Variants in HACD2 observed in about 807,000 individuals in gnomAD.
The protein encoded by HACD2 is 3-hydroxyacyl-CoA dehydratase 2, also known as very-long-chain (3R)-3-hydroxyacyl-CoA dehydratase 2.
A neutral mutation model predicts 31.0 loss-of-function variants in HACD2; 15 were observed. That is an observed-to-expected ratio of 0.48 (90% confidence interval 0.32 to 0.75). The LOEUF (loss-of-function observed/expected upper bound fraction) is 0.75, where lower values mean the gene tolerates loss of function less well. Ranked by LOEUF, HACD2 falls within the 30% of genes least tolerant of loss-of-function variation. The probability of loss-of-function intolerance (pLI) is 0.03; values close to 1 mark genes in which losing one functional copy is unlikely to be tolerated. For missense variants in HACD2, 283 were observed against 313.0 expected (o/e 0.90, Z 0.72); for synonymous variants, 115 against 122.2 (o/e 0.94, Z 0.39).
At chr3:123,501,123 CAA>C (rs2055897206) in intron 5 of HACD2, among the ~76,000 whole-genome samples, 1 of 151,964 alleles carries the variant, frequency 6.6e-6, no homozygotes, top group South Asian at 2.1e-4. Context: ...ACACCACACA[CAA>C]AGACTGAACA....
At chr3:123,498,366 G>T (rs2055860391) in intron 6 of HACD2, among the ~76,000 whole-genome samples, 1 of 152,230 alleles carries the variant, frequency 6.6e-6, no homozygotes, top group Non-Finnish European at 1.5e-5. Context: ...TTAAGGTAAA[G>T]AAAGCAGACT....
At chr3:123,524,424 A>G (rs770584373) in intron 4 of HACD2, among the ~76,000 whole-genome samples, 1 of 152,184 alleles carries the variant, frequency 6.6e-6, no homozygotes, top group Admixed American at 6.5e-5. Flanking sequence ...TTCATCTCAG[A>G]GCACTTGAGC....
rs532929655 is a variant in HACD2, at chr3:123,570,589, G to C, written c.274-2809C>G. ...TACATTACTATTTCAAATCAGCTAG[G>C]TCTTATTTATTTATAAAGTGTCAAA... On this transcript the variant is annotated intron_variant, in intron 2 of 6. Transcript: ENST00000383657. 2.5e-3 allele frequency among the ~76,000 whole-genome samples: 380 copies of C among 152,244 alleles called. 1 individual carries two copies. The highest frequency in any genetic ancestry group is 6.8e-3 in the Middle Eastern group (2 of 294).
intron 3 of HACD2, among the ~76,000 whole-genome samples, chr3:123,557,079 AC>A (rs2056680264): frequency 6.6e-6 from 1 of 152,262 alleles, no homozygotes. Flanking sequence ...ACTTAAAAAG[AC>A]CCTAAAACAG....
At position 123,493,888 on chromosome 3, in the gene HACD2, A is replaced by T. The variant is rs2055798835; in HGVS notation, c.*1000T>A. ...TATCCAAACAGAAGAGTGAATGAAA[A>T]TTTAAAAATAAAACAATAATGGTGT... On this transcript the variant is annotated 3_prime_UTR_variant, in exon 7 of 7. Coordinates refer to ENST00000383657, the MANE Select transcript of HACD2 (RefSeq NM_198402.5). 6.6e-6 allele frequency: 1 copy of T among 152,222 alleles called. No homozygotes were observed. The highest frequency in any genetic ancestry group is 1.5e-5 in the Non-Finnish European group (1 of 68,044). 9.4% of individuals were successfully genotyped at this position (152,222 alleles called of 1,614,324 possible). A position where few individuals can be genotyped will look rare whatever the true frequency, so the allele number is the denominator to read the frequency against.
At position 123,492,155 on chromosome 3, in the gene HACD2, T is replaced by G. The variant is rs2055771515; in HGVS notation, c.*2733A>C. The G allele has an allele frequency of 6.6e-6, 1 of 152,170 alleles. No homozygotes were observed. The highest frequency in any genetic ancestry group is 2.4e-5 in the African/African-American group (1 of 41,432). The allele number at this position is 152,170 out of a possible 1,614,324, so 9.4% of individuals were successfully genotyped here. On this transcript the variant is annotated 3_prime_UTR_variant, in exon 7 of 7. Coordinates refer to ENST00000383657, the MANE Select transcript of HACD2 (RefSeq NM_198402.5). ...ATGTGTTAAATGAATAAGCCCAACC[T>G]CAGCAAACAGAACGCAGCAAGATGT...
At chr3:123,566,451 G>T (rs572725955) in intron 3 of HACD2, among the ~76,000 whole-genome samples, 2 of 151,686 alleles carry the variant, frequency 1.3e-5, no homozygotes, top group African/African-American at 4.8e-5. Context: ...CACCTGGCTC[G>T]TTTTTTATTT....
intron 6 of HACD2, among the ~76,000 whole-genome samples, chr3:123,497,336 CGTGT>C (rs778512290): frequency 2.0e-5 from 3 of 152,158 alleles, no homozygotes; most frequent in Non-Finnish European, 4.4e-5. Flanking sequence ...CTGCTGGGCA[CGTGT>C]GTGTGACAGT....
intron 3 of HACD2, among the ~76,000 whole-genome samples, chr3:123,544,365 T>C (rs1255513189): frequency 6.6e-6 from 1 of 152,140 alleles, no homozygotes. Context: ...GGCAAATGAA[T>C]GTTCAGGTAC....
chr3:123,507,439 A>G (rs2055991067), intron 4 of HACD2, among the ~76,000 whole-genome samples: 1 of 152,242 alleles, frequency 6.6e-6, no homozygotes, highest in Admixed American at 6.5e-5. Context: ...CATAAAGGTA[A>G]GAAATATTGA....
intron 3 of HACD2, among the ~76,000 whole-genome samples, chr3:123,542,991 T>C (rs942840900): frequency 1.3e-5 from 2 of 152,218 alleles, no homozygotes; most frequent in Non-Finnish European, 2.9e-5. Flanking sequence ...GACACTCTGA[T>C]TCTTGCTGTT....
At chr3:123,535,345 A>C (rs972760765) in intron 3 of HACD2, among the ~76,000 whole-genome samples, 4 of 152,226 alleles carry the variant, frequency 2.6e-5, no homozygotes, top group African/African-American at 9.6e-5. Flanking sequence ...GTAGTAGGCT[A>C]ACATGATAAC....
chr3:123,529,585 C>A (rs970109857), intron 3 of HACD2, among the ~76,000 whole-genome samples: 2 of 151,946 alleles, frequency 1.3e-5, no homozygotes, highest in African/African-American at 2.4e-5. Context: ...CATATTAGCT[C>A]GCCATGGTAG....
intron 3 of HACD2, chr3:123,543,590 T>C: frequency 3.4e-6 from 1 of 297,284 alleles, no homozygotes; most frequent in Non-Finnish European, 6.6e-6. Context: ...GAATTACTTA[T>C]TAAAAAAATA....
At chr3:123,526,529 T>G (rs551759970) in intron 4 of HACD2, among the ~76,000 whole-genome samples, 49 of 150,470 alleles carry the variant, frequency 3.3e-4, no homozygotes, top group African/African-American at 1.2e-3. Flanking sequence ...TTCTTTTTCT[T>G]TTCCTTTTTT....
At chr3:123,513,196 C>T (rs1270910528) in intron 4 of HACD2, among the ~76,000 whole-genome samples, 2 of 152,098 alleles carry the variant, frequency 1.3e-5, no homozygotes, top group Non-Finnish European at 2.9e-5. Flanking sequence ...TACAGGAATT[C>T]ATGAGTCCAA....
At chr3:123,495,422 A>G (rs1463564823) in intron 6 of HACD2, among the ~76,000 whole-genome samples, 1 of 152,186 alleles carries the variant, frequency 6.6e-6, no homozygotes, top group African/African-American at 2.4e-5. Flanking sequence ...CCACAGACAG[A>G]GTTGGGACCA....
intron 3 of HACD2, among the ~76,000 whole-genome samples, chr3:123,559,511 T>C (rs980480179): frequency 3.9e-5 from 6 of 152,138 alleles, no homozygotes; most frequent in African/African-American, 1.4e-4. Flanking sequence ...TCAGAACGAG[T>C]GGCTGTAAGG....
In HACD2 at chr3:123,499,535, T is replaced by G. The variant is rs1401109532; in HGVS notation, c.682+980A>C. ...GATGTAGTTTTTTTCTCACAATGCA[T>G]GAAATGCAATTTTCCACAGAGGGAC... On this transcript the variant is annotated intron_variant, in intron 6 of 6. Coordinates refer to ENST00000383657, the MANE Select transcript of HACD2 (RefSeq NM_198402.5). The G allele has an allele frequency of 2.0e-4, 84 of 420,770 alleles. 2 individuals carry two copies. The Admixed American group carries it at 2.4e-3, about 12-fold the overall frequency. The allele number at this position is 420,770 out of a possible 1,614,324, so 26.1% of individuals were successfully genotyped here.
Sources: allele counts gnomAD v4.1 joint callset (sites outside exome capture counted in the v4.1 genomes callset), GRCh38; gene constraint gnomAD v4.1.1; transcripts MANE v1.5; gene names NCBI Gene and HGNC (gene_info 2026-07-23, HGNC 2026-07-21).